NECAB1: variants seen among roughly 807,000 people sequenced by gnomAD.
NECAB1 encodes the protein N-terminal EF-hand calcium binding protein 1.
Under a neutral mutation model 57.5 loss-of-function variants are expected in NECAB1, and 29 were observed. That is an observed-to-expected ratio of 0.50 (90% CI 0.38 to 0.69). The LOEUF (loss-of-function observed/expected upper bound fraction) is 0.69. NECAB1 is among the 30% of genes least tolerant of loss of function. NECAB1 has a pLI of 0.00. For missense variants in NECAB1, 372 were observed against 413.8 expected, an observed-to-expected ratio of 0.90 and a Z score of 0.88; for synonymous variants, 142 against 147.7, an observed-to-expected ratio of 0.96 and a Z score of 0.28.
intron 3 of NECAB1, among the ~76,000 whole-genome samples, chr8:90,846,949 A>G (rs552000157): frequency 1.3e-5 from 2 of 152,296 alleles, no homozygotes; most frequent in Admixed American, 1.3e-4. Flanking sequence ...GCCAAACCAT[A>G]TCATTGTGCC....
At position 90,926,658 on chromosome 8, in the gene NECAB1, T is replaced by C. The variant is rs111290771; in HGVS notation, c.616+1002T>C. 1.8e-3 allele frequency among the ~76,000 whole-genome samples: 269 copies of C among 152,308 alleles called. 1 individual carries two copies. The highest frequency in any genetic ancestry group is 6.2e-3 in the African/African-American group (257 of 41,556). On this transcript the variant is annotated intron_variant, in intron 7 of 12. Coordinates refer to ENST00000417640, the MANE Select transcript of NECAB1 (RefSeq NM_022351.5). The stretch of plus-strand genomic sequence containing the variant: ...GTTGAGTTTGGCCCCACTCCTCATG[T>C]AGCCTCCTTCTGGAATAAGCAACAG...
At chr8:90,856,203 A>C (rs1321469658) in intron 3 of NECAB1, among the ~76,000 whole-genome samples, 1 of 152,154 alleles carries the variant, frequency 6.6e-6, no homozygotes, top group African/African-American at 2.4e-5. Context: ...TTGTTAACAC[A>C]TTTTCAAATT....
At chr8:90,816,285 T>A (rs1812060198) in intron 2 of NECAB1, among the ~76,000 whole-genome samples, 1 of 151,894 alleles carries the variant, frequency 6.6e-6, no homozygotes, top group African/African-American at 2.4e-5. Context: ...TCGCAAATAT[T>A]TTCTCCCAGA....
chr8:90,888,964 A>C (rs1244793061), intron 5 of NECAB1, among the ~76,000 whole-genome samples: 1 of 152,186 alleles, frequency 6.6e-6, no homozygotes, highest in Non-Finnish European at 1.5e-5. Flanking sequence ...GTTATGGATC[A>C]TACTCACTTT....
intron 12 of NECAB1, among the ~76,000 whole-genome samples, chr8:90,951,704 C>T (rs892158039): frequency 6.6e-6 from 1 of 151,902 alleles, no homozygotes; most frequent in African/African-American, 2.4e-5. Flanking sequence ...GGCAAAATCC[C>T]TACCCATAAA....
intron 2 of NECAB1, among the ~76,000 whole-genome samples, chr8:90,811,351 C>T (rs770506659): frequency 1.4e-4 from 22 of 152,100 alleles, no homozygotes; most frequent in Non-Finnish European, 2.2e-4. Context: ...GTTCACAATG[C>T]AAGAGGCATC....
chr8:90,872,101 C>G (rs1281611276), intron 3 of NECAB1, 27 bp from the exon 4 acceptor site: 3 of 1,526,534 alleles, frequency 2.0e-6, no homozygotes. Context: ...AGTAATAACA[C>G]TGTTTTTTTT....
At chr8:90,907,328 A>G (rs945980238) in intron 5 of NECAB1, among the ~76,000 whole-genome samples, 4 of 152,098 alleles carry the variant, frequency 2.6e-5, no homozygotes, top group African/African-American at 4.8e-5. Context: ...CACAAACTCA[A>G]TGCTAAGAAA....
intron 2 of NECAB1, 76 bp from the exon 3 acceptor site, chr8:90,824,638 GGGT>G: frequency 1.2e-6 from 1 of 867,454 alleles, no homozygotes; most frequent in South Asian, 2.0e-5. Context: ...ACAAGCGTTT[GGGT>G]GAAGTTTTAT....
intron 9 of NECAB1, among the ~76,000 whole-genome samples, chr8:90,938,576 T>C (rs558729443): frequency 6.6e-6 from 1 of 152,330 alleles, no homozygotes; most frequent in South Asian, 2.1e-4. Flanking sequence ...TTAAATTAAC[T>C]ATTATTTAAA....
intron 3 of NECAB1, among the ~76,000 whole-genome samples, chr8:90,848,510 C>T (rs1407268681): frequency 6.6e-6 from 1 of 151,976 alleles, no homozygotes. Flanking sequence ...TTCATTTTCA[C>T]ACTACTAATA....
At chr8:90,927,998 T>C (rs903174247) in intron 7 of NECAB1, among the ~76,000 whole-genome samples, 36 of 108,198 alleles carry the variant, frequency 3.3e-4, no homozygotes, top group Non-Finnish European at 5.3e-4. Flanking sequence ...AAAGGCCAAA[T>C]AGGCAATTAC....
intron 3 of NECAB1, among the ~76,000 whole-genome samples, chr8:90,836,071 A>G (rs1793365337): frequency 6.6e-6 from 1 of 151,968 alleles, no homozygotes. Context: ...ATAGTTCTCT[A>G]CTCCTGTGAC....
At chr8:90,941,548 G>T in intron 10 of NECAB1, among the ~76,000 whole-genome samples, 1 of 152,260 alleles carries the variant, frequency 6.6e-6, no homozygotes, top group Middle Eastern at 3.4e-3. Flanking sequence ...TCTGGAAACA[G>T]TTATCATAGA....
intron 3 of NECAB1, among the ~76,000 whole-genome samples, chr8:90,866,317 TC>T (rs1808512622): frequency 6.6e-6 from 1 of 152,220 alleles, no homozygotes; most frequent in South Asian, 2.1e-4. Context: ...TCTACTTCCA[TC>T]AGAGTAGCTC....
chr8:90,954,795 A>T (rs890614923), intron 12 of NECAB1, among the ~76,000 whole-genome samples: 3 of 149,434 alleles, frequency 2.0e-5, no homozygotes, highest in African/African-American at 7.3e-5. Context: ...TGTATAATAA[A>T]TCACACATGT....
intron 3 of NECAB1, among the ~76,000 whole-genome samples, chr8:90,863,787 G>C (rs1260299395): frequency 2.0e-5 from 3 of 152,060 alleles, no homozygotes; most frequent in Admixed American, 6.6e-5. Context: ...TAAGAGATCA[G>C]ACAATGGAAA....
Position 90,841,256 on chromosome 8 carries a change from T to A in NECAB1, c.233+16431T>A, listed in dbSNP as rs527989878. ...GCCTAGGTGACAGAGCGAGACTCTGTCTCAAAAAAAATAAAAAAAAAAAAG... is the reference window on the plus strand; with the variant it reads ...GCCTAGGTGACAGAGCGAGACTCTGACTCAAAAAAAATAAAAAAAAAAAAG... On this transcript the variant is annotated intron_variant, in intron 3 of 12. Coordinates refer to ENST00000417640, the MANE Select transcript of NECAB1 (RefSeq NM_022351.5). 2.4e-5 allele frequency among the ~76,000 whole-genome samples: 3 copies of A among 124,068 alleles called. No homozygotes were observed. In the South Asian group the frequency reaches 7.1e-4, roughly 29 times the overall value. 81.4% of individuals were successfully genotyped at this position (124,068 alleles called of 152,430 possible). A position where few individuals can be genotyped will look rare whatever the true frequency, so the allele number is the denominator to read the frequency against.
rs528617059 is a variant in NECAB1 at position 90,894,066 on chromosome 8, G to A, written c.357+12936G>A. Among the ~76,000 whole-genome samples, 25 of 152,190 alleles carry A rather than the reference G, an allele frequency of 1.6e-4. No homozygotes were observed. The South Asian group carries it at 2.9e-3, about 18-fold the overall frequency. On this transcript the variant is annotated intron_variant, in intron 5 of 12. Transcript: ENST00000417640. ...ATTTTTAGAATTTCTTAGAAACAGAGGCTGATTTTCATGCTGATAACCTAA... is the reference window on the plus strand; with the variant it reads ...ATTTTTAGAATTTCTTAGAAACAGAAGCTGATTTTCATGCTGATAACCTAA...
Sources: gnomAD v4.1 joint callset for allele counts (sites outside exome capture counted in the v4.1 genomes callset) on GRCh38, gnomAD v4.1.1 for gene constraint, MANE v1.5 for transcripts, NCBI Gene and HGNC (gene_info 2026-07-23, HGNC 2026-07-21) for gene names.